Variants in NF1 observed in about 807,000 individuals in gnomAD.
The protein encoded by NF1 is neurofibromin.
Under a neutral mutation model 325.7 loss-of-function variants are expected in NF1, and 122 were observed. The observed-to-expected ratio is 0.37, with a 90% CI of 0.32 to 0.44. The LOEUF is 0.44. NF1 is among the 20% of genes least tolerant of loss of function. The pLI, the probability that NF1 is intolerant of heterozygous loss-of-function variation, is 1.00. For synonymous variants in NF1, 1,091 were observed against 1,186.0 expected, an observed-to-expected ratio of 0.92 and a Z score of 1.65; for missense variants, 2,140 against 3,415.4, an observed-to-expected ratio of 0.63 and a Z score of 9.31.
At chr17:31,357,117 C>T (rs2151582671) in intron 53 of NF1, 27 bp downstream of exon 53, 1 of 1,612,298 alleles carries the variant, frequency 6.2e-7, no homozygotes, top group South Asian at 1.1e-5. Context: ...TTTGAGTCCC[C>T]CACCCTCAAA....
At position 31,261,772 on chromosome 17, in the gene NF1, G is replaced by C. The variant is rs2151466340; in HGVS notation, c.4639G>C (p.Gly1547Arg). 6.2e-7 allele frequency: 1 copy of C among 1,612,366 alleles called. No homozygotes were observed. Among genetic ancestry groups the C allele is most frequent in the Non-Finnish European group, 8.5e-7 (1 of 1,179,956 alleles). Residue 1547 changes from glycine (G) to arginine (R), a missense_variant, in exon 35 of 58, where the codon GGT becomes CGT. Physicochemically the swap from Gly to Arg is moderately radical, Grantham distance 125 (BLOSUM62 -2). Transcript: ENST00000358273. The part of the protein sequence containing the change: ...DKMATLLAYL[G>R]PPEHKPVADT... Reference sequence around the variant, plus strand: ...GATGGCAACACTTCTTGCATACCTGGGTCCTCCAGAGCACAAACCTGTGGC... The same window carrying C: ...GATGGCAACACTTCTTGCATACCTGCGTCCTCCAGAGCACAAACCTGTGGC...
At chr17:31,331,316 T>A (rs2069480846) in intron 39 of NF1, 1 of 152,170 alleles carries the variant, frequency 6.6e-6, no homozygotes, top group African/African-American at 2.4e-5. Flanking sequence ...TTTGAGTGAA[T>A]GTAAAGGCAT....
chr17:31,144,122 C>A (rs1234870223), intron 1 of NF1, among the ~76,000 whole-genome samples: 1 of 152,170 alleles, frequency 6.6e-6, no homozygotes, highest in African/African-American at 2.4e-5. Flanking sequence ...TGCGCCTGGC[C>A]TTGTTCTTGT....
At chr17:31,152,131 T>C (rs1354472601) in intron 1 of NF1, among the ~76,000 whole-genome samples, 1 of 152,102 alleles carries the variant, frequency 6.6e-6, no homozygotes, top group African/African-American at 2.4e-5. Context: ...TTTATTGTTT[T>C]CTGACATAAA....
intron 12 of NF1, among the ~76,000 whole-genome samples, chr17:31,212,371 A>G (rs532707933): frequency 9.3e-4 from 141 of 152,332 alleles, no homozygotes; most frequent in Non-Finnish European, 1.6e-3. Context: ...GCTGTGTTTC[A>G]TAGTTAACTT....
intron 39 of NF1, among the ~76,000 whole-genome samples, chr17:31,334,103 A>G (rs1300070320): frequency 2.0e-5 from 3 of 152,048 alleles, no homozygotes; most frequent in South Asian, 2.1e-4. Context: ...TGGCTAACAC[A>G]GTGAAACCCC....
At chr17:31,246,482 T>A (rs2067393532) in intron 29 of NF1, among the ~76,000 whole-genome samples, 1 of 152,228 alleles carries the variant, frequency 6.6e-6, no homozygotes, top group Non-Finnish European at 1.5e-5. Flanking sequence ...AATTACTAAT[T>A]AACCTGTTAA....
intron 1 of NF1, among the ~76,000 whole-genome samples, chr17:31,111,621 A>G (rs1353004001): frequency 2.0e-5 from 3 of 152,218 alleles, no homozygotes; most frequent in South Asian, 2.1e-4. Flanking sequence ...TGTTGGCAAA[A>G]AAACCTGCCA....
In NF1 at chr17:31,367,028, A is replaced by G. The variant is rs548562233; in HGVS notation, c.8377+6325A>G. Among the ~76,000 whole-genome samples, 39 of 152,272 alleles carry G rather than the reference A, an allele frequency of 2.6e-4. No homozygotes were observed. The South Asian group carries it at 7.3e-3, about 28-fold the overall frequency. ...ATATAAGTGGTAAAAAAATACATCT[A>G]CAAAGTTGTAAGTTCTCTCATTTAT... is the stretch of plus-strand genomic sequence containing the variant. On this transcript the variant is annotated intron_variant, in intron 57 of 57. Transcript: ENST00000358273.
chr17:31,097,654 TC>T (rs1461437029), intron 1 of NF1, among the ~76,000 whole-genome samples: 1 of 152,154 alleles, frequency 6.6e-6, no homozygotes, highest in Non-Finnish European at 1.5e-5. Context: ...TTTTCTGCAT[TC>T]CTTATGTTGT....
chr17:31,263,115 A>G (rs1182470854), intron 35 of NF1, among the ~76,000 whole-genome samples: 3 of 81,570 alleles, frequency 3.7e-5, no homozygotes, highest in Admixed American at 1.2e-4. Context: ...AGGTAGATAG[A>G]TAGATAGATA....
chr17:31,179,025 T>A (rs1338535564), intron 5 of NF1, among the ~76,000 whole-genome samples: 1 of 152,194 alleles, frequency 6.6e-6, no homozygotes, highest in South Asian at 2.1e-4. Flanking sequence ...CTAATAGACA[T>A]CTGCAGAACT....
chr17:31,144,223 T>C (rs1916431527), intron 1 of NF1, among the ~76,000 whole-genome samples: 1 of 152,218 alleles, frequency 6.6e-6, no homozygotes, highest in African/African-American at 2.4e-5. Flanking sequence ...ACCCCCCTTC[T>C]AAATCTATTA....
At chr17:31,230,522 T>G (rs762717661) in intron 23 of NF1, 140 bp downstream of exon 23, 87 of 1,069,564 alleles carry the variant, frequency 8.1e-5, no homozygotes, top group Non-Finnish European at 1.1e-4. Flanking sequence ...TTTCTCTACA[T>G]CTCTTCTCAA....
At chr17:31,177,497 C>T (rs1280905400) in intron 5 of NF1, among the ~76,000 whole-genome samples, 5 of 151,752 alleles carry the variant, frequency 3.3e-5, no homozygotes, top group Admixed American at 1.3e-4. Context: ...AGCAAAGGAA[C>T]GAAACTGGAC....
chr17:31,285,608 G>A (rs546564343), intron 36 of NF1, among the ~76,000 whole-genome samples: 125 of 152,218 alleles, frequency 8.2e-4, no homozygotes, highest in Non-Finnish European at 1.5e-3. Context: ...AGCACTTTGG[G>A]AGGCCAAGGC....
intron 29 of NF1, among the ~76,000 whole-genome samples, chr17:31,248,041 A>G (rs1372752945): frequency 2.0e-5 from 3 of 151,628 alleles, no homozygotes; most frequent in Non-Finnish European, 2.9e-5. Context: ...TGTCTCTACT[A>G]AAAATATAAA....
intron 15 of NF1, chr17:31,222,544 T>G (rs1393592567): frequency 9.8e-7 from 1 of 1,023,722 alleles, no homozygotes; most frequent in Non-Finnish European, 1.2e-6. Context: ...GAATTAAACC[T>G]TACTCTAGAG....
intron 29 of NF1, among the ~76,000 whole-genome samples, chr17:31,244,901 C>G (rs1189993614): frequency 1.3e-5 from 2 of 152,188 alleles, no homozygotes; most frequent in Non-Finnish European, 2.9e-5. Flanking sequence ...GCTCCACCTC[C>G]AGTTCTCAAG....
Sources: gnomAD v4.1 joint callset for allele counts (sites outside exome capture counted in the v4.1 genomes callset) on GRCh38, gnomAD v4.1.1 for gene constraint, MANE v1.5 for transcripts, NCBI Gene and HGNC (gene_info 2026-07-23, HGNC 2026-07-21) for gene names.